PKD1L3: variants seen among roughly 807,000 people sequenced by gnomAD.
PKD1L3 encodes polycystin-1-like protein 3.
In PKD1L3, 239 loss-of-function variants were observed where a neutral mutation model predicts 184.1. The observed-to-expected ratio is 1.30, with a 90% CI of 1.17 to 1.45. The LOEUF is 1.45. PKD1L3 is among the 40% of genes most tolerant of loss of function. PKD1L3 has a pLI of 0.00. For missense variants in PKD1L3, 2,660 were observed against 2,067.2 expected (o/e 1.29, Z -5.56); for synonymous variants, 996 against 778.8 (o/e 1.28, Z -4.64).
In PKD1L3 at chr16:71,930,147, T is replaced by C; in HGVS notation, c.4963A>G (p.Ile1655Val). ...ACCATCAAGATGACACTGGTGAGGA[T>C]CAGAAAGGTGCCCAGGACTGGGTCT... The part of the protein sequence containing the change: ...ALDPVLGTFL[I>V]LTSVILMVLV... Residue 1655 changes from isoleucine to valine, a missense_variant, in exon 29 of 30, where the codon ATC (isoleucine) becomes GTC (valine). Ile to Val is a conservative substitution (Grantham distance 29). Coordinates refer to ENST00000620267, the MANE Select transcript of PKD1L3 (RefSeq NM_181536.2). 1 of 1,551,410 alleles carries C rather than the reference T, an allele frequency of 6.4e-7. No individual in the cohort carries two copies. Among genetic ancestry groups the C allele is most frequent in the Non-Finnish European group, 8.7e-7 (1 of 1,146,810 alleles).
intron 3 of PKD1L3, among the ~76,000 whole-genome samples, chr16:71,990,923 AT>A: frequency 6.6e-6 from 1 of 152,226 alleles, no homozygotes; most frequent in East Asian, 1.9e-4. Context: ...AACATCCTTA[AT>A]AGAACGAAAA....
chr16:71,935,280 T>C, intron 26 of PKD1L3, 78 bp downstream of exon 26: 1 of 1,399,966 alleles, frequency 7.1e-7, no homozygotes, highest in Non-Finnish European at 9.6e-7. Context: ...GTAGGGGAGT[T>C]TGAAGAATAC....
chr16:71,978,217 ATTCTC>A, intron 10 of PKD1L3, 33 bp downstream of exon 10: 10 of 1,531,604 alleles, frequency 6.5e-6, no homozygotes, highest in Non-Finnish European at 8.8e-6. Flanking sequence ...AGAATATCCC[ATTCTC>A]TTCTATTTTA....
Position 71,984,061 on chromosome 16 carries a change from G to T in PKD1L3, c.941C>A (p.Thr314Asn), listed in dbSNP as rs1484195839. ...CTGAGCTGGCTTAGAAAATCTTGGG[G>T]TTAAGGCTGTTAGTTTCTGGAGGAA... The part of the protein sequence containing the change: ...CEFLQKLTAL[T>N]PRFSKPAQVN... Residue 314 changes from threonine (T) to asparagine (N), a missense_variant, in exon 6 of 30, where the codon ACC becomes AAC. Physicochemically the swap from Thr to Asn is moderately conservative, Grantham distance 65. Transcript: ENST00000620267. 6.4e-6 allele frequency: 10 copies of T among 1,552,048 alleles called. No homozygotes were observed. The Admixed American group carries it at 2.0e-4, about 30-fold the overall frequency.
chr16:71,974,236 A>C (rs1396686221), intron 11 of PKD1L3, among the ~76,000 whole-genome samples: 1 of 152,152 alleles, frequency 6.6e-6, no homozygotes, highest in African/African-American at 2.4e-5. Flanking sequence ...TGGCTCTGTC[A>C]CCAGCTGGCT....
intron 18 of PKD1L3, among the ~76,000 whole-genome samples, chr16:71,952,143 A>T (rs1348158684): frequency 1.4e-5 from 2 of 147,900 alleles, no homozygotes; most frequent in African/African-American, 5.0e-5. Context: ...ACAGCCTCCC[A>T]TGAGATTCTT....
rs2038759214 is a variant in PKD1L3 at position 71,949,826 on chromosome 16, A to G, written c.3575T>C (p.Ile1192Thr). ...DQATSWMISI[I>T]LSVLQNIFIS... ...GAAGATGTTCTGAAGCACTGATAAA[A>G]TAATTGAAATCATCCAGCTGGTGGC... The change falls in exon 21 of 30, where the codon ATT becomes ACT. Residue 1192 changes from isoleucine (I) to threonine (T), a missense_variant. Physicochemically the swap from Ile to Thr is moderately conservative, Grantham distance 89. Coordinates refer to ENST00000620267, the MANE Select transcript of PKD1L3 (RefSeq NM_181536.2). 1.9e-6 allele frequency: 3 copies of G among 1,551,442 alleles called. No homozygotes were observed. The highest frequency in any genetic ancestry group is 2.6e-6 in the Non-Finnish European group (3 of 1,146,978).
chr16:71,982,268 G>C, intron 6 of PKD1L3, 33 bp from the exon 7 acceptor site: 1 of 595,144 alleles, frequency 1.7e-6, no homozygotes, highest in Non-Finnish European at 2.6e-6. Context: ...ATACACCCTT[G>C]AATTGTTTGC....
At chr16:71,998,895 C>T (rs536291635) in intron 1 of PKD1L3, among the ~76,000 whole-genome samples, 17 of 152,238 alleles carry the variant, frequency 1.1e-4, no homozygotes, top group African/African-American at 3.4e-4. Context: ...TTTATCTACA[C>T]GTTAATGAAG....
chr16:71,952,740 G>A (rs2038890680), intron 18 of PKD1L3, among the ~76,000 whole-genome samples, 154 bp downstream of exon 18: 1 of 152,148 alleles, frequency 6.6e-6, no homozygotes, highest in South Asian at 2.1e-4. Context: ...GGAGGCTGAG[G>A]TGGGAGGACC....
At chr16:71,958,874 C>T (rs567209496) in intron 16 of PKD1L3, among the ~76,000 whole-genome samples, 2 of 140,670 alleles carry the variant, frequency 1.4e-5, no homozygotes, top group Admixed American at 7.2e-5. Context: ...ACTGCTTGAG[C>T]GCAGGAGTTT....
intron 6 of PKD1L3, among the ~76,000 whole-genome samples, chr16:71,982,763 T>A (rs955140882): frequency 4.0e-5 from 6 of 151,874 alleles, no homozygotes; most frequent in Non-Finnish European, 7.4e-5. Context: ...ACCTAATTTT[T>A]AAAAATTTTT....
chr16:71,978,654 C>A (rs1597355937), intron 9 of PKD1L3, among the ~76,000 whole-genome samples: 1 of 151,760 alleles, frequency 6.6e-6, no homozygotes, highest in East Asian at 1.9e-4. Flanking sequence ...ATTCTCCTGC[C>A]TCAGCCTCCC....
At chr16:71,942,508 G>C (rs950429174) in intron 24 of PKD1L3, 52 bp downstream of exon 24, 2 of 1,441,740 alleles carry the variant, frequency 1.4e-6, no homozygotes, top group Admixed American at 4.2e-5. Context: ...TGCACTTATT[G>C]AACAGCCTTC....
At chr16:71,988,196 A>C (rs2143819684) in intron 4 of PKD1L3, among the ~76,000 whole-genome samples, 1 of 151,986 alleles carries the variant, frequency 6.6e-6, no homozygotes, top group African/African-American at 2.4e-5. Flanking sequence ...TTCATTTGTA[A>C]ATTTTTTTTT....
Position 71,942,590 on chromosome 16 carries a change from T to C in PKD1L3, c.4294A>G (p.Asn1432Asp). The change falls in exon 24 of 30, where the codon AAT (asparagine) becomes GAT (aspartate). Residue 1432 changes from asparagine to aspartate, a missense_variant. Asn to Asp is a conservative substitution (Grantham distance 23, BLOSUM62 1). Transcript: ENST00000620267. Reference protein sequence around the residue: ...DELHERLTSKNENGFSYIMRG... With the variant: ...DELHERLTSKDENGFSYIMRG... ...ATGATGTAACTGAATCCATTCTCAT[T>C]CTTGCTTGTCAGCCTTTCGTGAAGC... is the stretch of plus-strand genomic sequence containing the variant. 6.4e-7 allele frequency: 1 copy of C among 1,551,606 alleles called. No individual in the cohort carries two copies. Among genetic ancestry groups the C allele is most frequent in the Non-Finnish European group, 8.7e-7 (1 of 1,146,982 alleles).
chr16:71,961,672 A>C (rs1476475712), intron 16 of PKD1L3, among the ~76,000 whole-genome samples: 1 of 152,148 alleles, frequency 6.6e-6, no homozygotes, highest in Non-Finnish European at 1.5e-5. Context: ...AGAGGAGCTT[A>C]CAGATGAGTA....
In PKD1L3 at chr16:71,935,491, T is replaced by G. The variant is rs1567488114; in HGVS notation, c.4480A>C (p.Arg1494=). 3 of 1,552,210 alleles carry G rather than the reference T, an allele frequency of 1.9e-6. No homozygotes were observed. The South Asian group carries it at 3.6e-5, about 18-fold the overall frequency. The change falls in exon 26 of 30, where the codon AGG becomes CGG. Residue 1494 remains arginine, a synonymous_variant. Transcript: ENST00000620267. ...QGCQLKQQKW[R]FFTGKRNILD... Reference sequence around the variant, plus strand: ...ATGTTTCTTTTCCCAGTGAAGAACCTCCACTTCTGCTGTTTCAGCTGACAA... The same window carrying G: ...ATGTTTCTTTTCCCAGTGAAGAACCGCCACTTCTGCTGTTTCAGCTGACAA...
intron 5 of PKD1L3, among the ~76,000 whole-genome samples, chr16:71,985,340 A>G (rs901495089): frequency 1.3e-4 from 20 of 152,188 alleles, no homozygotes; most frequent in Admixed American, 9.8e-4. Flanking sequence ...AACTGCATAT[A>G]AACAGGGCTC....
Sources: allele counts gnomAD v4.1 joint callset (sites outside exome capture counted in the v4.1 genomes callset), GRCh38; gene constraint gnomAD v4.1.1; transcripts MANE v1.5; gene names NCBI Gene and HGNC (gene_info 2026-07-23, HGNC 2026-07-21).